RAB8B: variants seen among roughly 807,000 people sequenced by gnomAD.
RAB8B encodes the protein ras-related protein Rab-8B.
A neutral mutation model predicts 32.0 loss-of-function variants in RAB8B; 11 were observed. The observed-to-expected ratio is 0.34, with a 90% CI of 0.22 to 0.57. The LOEUF (loss-of-function observed/expected upper bound fraction) is 0.57. Among genes scored for constraint, RAB8B ranks in the 20% least tolerant of loss-of-function variants. The pLI, the probability that RAB8B is intolerant of heterozygous loss-of-function variation, is 0.86. For synonymous variants in RAB8B, 103 were observed against 89.6 expected (o/e 1.15, Z -0.85); for missense variants, 190 against 258.5 (o/e 0.73, Z 1.82).
chr15:63,199,291 A>G (rs2037628373), intron 1 of RAB8B, among the ~76,000 whole-genome samples: 1 of 152,198 alleles, frequency 6.6e-6, no homozygotes, highest in Admixed American at 6.5e-5. Context: ...AGAGTTAGAA[A>G]TGTCTCTGTA....
intron 1 of RAB8B, chr15:63,223,132 G>A: frequency 2.3e-6 from 1 of 437,348 alleles, no homozygotes; most frequent in South Asian, 1.6e-5. Context: ...TATTTTTTGA[G>A]ACGGAATCTT....
At chr15:63,258,083 A>G (rs1244841224) in intron 5 of RAB8B, among the ~76,000 whole-genome samples, 1 of 150,412 alleles carries the variant, frequency 6.6e-6, no homozygotes, top group African/African-American at 2.4e-5. Context: ...AAAAAAAAGT[A>G]ATTAAAAGTA....
intron 1 of RAB8B, among the ~76,000 whole-genome samples, chr15:63,238,065 G>T (rs1172952538): frequency 6.6e-6 from 1 of 151,812 alleles, no homozygotes; most frequent in East Asian, 1.9e-4. Context: ...TTTATCTCTG[G>T]GTTCTCTGTT....
chr15:63,263,605 T>C lies in RAB8B; in HGVS notation c.610T>C (p.Cys204Arg), dbSNP rs1406627143. 2.5e-6 allele frequency: 4 copies of C among 1,608,298 alleles called. No homozygotes were observed. The highest frequency in any genetic ancestry group is 3.4e-6 in the Non-Finnish European group (4 of 1,174,662). ...NRSKKTSFFR[C>R]SLL is the part of the protein sequence containing the mutation. ...ATCAAAGAAGACCAGTTTCTTTCGT[T>C]GCTCGCTACTTTGATGAACTCTTTC... The change falls in exon 8 of 8, where the codon TGC (cysteine) becomes CGC (arginine). Residue 204 changes from cysteine (C) to arginine (R), a missense_variant. Coordinates refer to ENST00000321437, the MANE Select transcript of RAB8B (RefSeq NM_016530.3).
intron 1 of RAB8B, among the ~76,000 whole-genome samples, chr15:63,217,401 A>G (rs2037802431): frequency 1.3e-5 from 2 of 152,208 alleles, no homozygotes. Flanking sequence ...CAATTTAGAC[A>G]TTTAAGGAAA....
At chr15:63,245,247 C>T (rs1301272468) in intron 2 of RAB8B, among the ~76,000 whole-genome samples, 1 of 152,188 alleles carries the variant, frequency 6.6e-6, no homozygotes, top group Non-Finnish European at 1.5e-5. Flanking sequence ...TTTCCCTTCT[C>T]AGGGTCTCAC....
chr15:63,225,199 T>A (rs2037879018), intron 1 of RAB8B, among the ~76,000 whole-genome samples: 1 of 152,234 alleles, frequency 6.6e-6, no homozygotes, highest in East Asian at 1.9e-4. Context: ...CCTTTGTTAA[T>A]GTAACTTAAC....
At chr15:63,234,515 A>G (rs557463755) in intron 1 of RAB8B, among the ~76,000 whole-genome samples, 4 of 152,304 alleles carry the variant, frequency 2.6e-5, no homozygotes, top group East Asian at 3.9e-4. Flanking sequence ...TCTGTTAACT[A>G]TGGACTTGGG....
intron 1 of RAB8B, among the ~76,000 whole-genome samples, chr15:63,190,638 C>T (rs1362762150): frequency 6.6e-6 from 1 of 152,046 alleles, no homozygotes. Context: ...GTCTATAGAG[C>T]GTTAATTTGT....
At chr15:63,231,325 G>A (rs981019345) in intron 1 of RAB8B, among the ~76,000 whole-genome samples, 2 of 152,076 alleles carry the variant, frequency 1.3e-5, no homozygotes, top group African/African-American at 2.4e-5. Context: ...TGGAAAATAC[G>A]ATACATGGTC....
At chr15:63,210,718 A>G (rs1055787675) in intron 1 of RAB8B, among the ~76,000 whole-genome samples, 3 of 152,196 alleles carry the variant, frequency 2.0e-5, no homozygotes, top group South Asian at 2.1e-4. Context: ...TGTCTTTTCT[A>G]TTGAGAAAGG....
chr15:63,214,329 C>T (rs2037774111), intron 1 of RAB8B, among the ~76,000 whole-genome samples: 1 of 132,246 alleles, frequency 7.6e-6, no homozygotes, highest in African/African-American at 2.9e-5. Context: ...TCTCACTCTG[C>T]TACCCATGCT....
intron 1 of RAB8B, among the ~76,000 whole-genome samples, chr15:63,218,104 T>G (rs982773714): frequency 6.6e-6 from 1 of 151,324 alleles, no homozygotes; most frequent in Non-Finnish European, 1.5e-5. Flanking sequence ...TCTGTTCTTT[T>G]TTTTTTATGC....
In RAB8B at chr15:63,266,386, C is replaced by T. The variant is rs1364073768; in HGVS notation, c.*2767C>T. The T allele has an allele frequency of 6.6e-6, 1 of 152,590 alleles. No individual in the cohort carries two copies. Among genetic ancestry groups the T allele is most frequent in the Non-Finnish European group, 1.5e-5 (1 of 67,994 alleles). The allele number at this position is 152,590 out of a possible 1,614,324, so 9.5% of individuals were successfully genotyped here. A position where few individuals can be genotyped will look rare whatever the true frequency, so the allele number is the denominator to read the frequency against. ...TATTTTAGCTATATTTTACTTCAGA[C>T]AGATTATGATACAATAATCTACCTG... On this transcript the variant is annotated 3_prime_UTR_variant, in exon 8 of 8. Transcript: ENST00000321437.
At chr15:63,256,469 A>G in intron 4 of RAB8B, 36 bp from the exon 5 acceptor site, 2 of 1,475,428 alleles carry the variant, frequency 1.4e-6, no homozygotes, top group Non-Finnish European at 9.2e-7. Flanking sequence ...GGTTTTTCTC[A>G]GGCTGTTTTT....
chr15:63,220,797 G>A (rs1464943437), intron 1 of RAB8B, among the ~76,000 whole-genome samples: 2 of 152,138 alleles, frequency 1.3e-5, no homozygotes, highest in African/African-American at 4.8e-5. Context: ...GGTTCCAAAT[G>A]AAGTACTGTA....
In RAB8B at chr15:63,195,954, C is replaced by G. The variant is rs374242255; in HGVS notation, c.124+6206C>G. Reference sequence around the variant, plus strand: ...TTAGGGGTTGCAAACTCACATGGTTCTGGTGGGAACTATGAGTAAGGGGAG... The same window carrying G: ...TTAGGGGTTGCAAACTCACATGGTTGTGGTGGGAACTATGAGTAAGGGGAG... On this transcript the variant is annotated intron_variant, in intron 1 of 7. Coordinates refer to ENST00000321437, the MANE Select transcript of RAB8B (RefSeq NM_016530.3). Among the ~76,000 whole-genome samples the G allele has an allele frequency of 9.2e-5, 14 of 152,240 alleles. No individual in the cohort carries two copies. The East Asian group carries it at 1.2e-3, about 13-fold the overall frequency.
intron 1 of RAB8B, among the ~76,000 whole-genome samples, chr15:63,239,822 A>AC (rs981375771): frequency 2.0e-5 from 3 of 152,186 alleles, no homozygotes; most frequent in African/African-American, 7.2e-5. Flanking sequence ...TCTGTGCACA[A>AC]CTTAACTGGC....
At chr15:63,251,080 A>C (rs74025269) in intron 3 of RAB8B, among the ~76,000 whole-genome samples, 1,689 of 152,188 alleles carry the variant, frequency 0.011, 43 homozygotes, top group African/African-American at 0.039. Context: ...ATTCCTTTTT[A>C]AGGCTGAAGT....
Sources: gnomAD v4.1 joint callset for allele counts (sites outside exome capture counted in the v4.1 genomes callset) on GRCh38, gnomAD v4.1.1 for gene constraint, MANE v1.5 for transcripts, NCBI Gene and HGNC (gene_info 2026-07-23, HGNC 2026-07-21) for gene names.